ELMO1: variants seen among roughly 807,000 people sequenced by gnomAD.
ELMO1 encodes engulfment and cell motility 1.
Under a neutral mutation model 98.9 loss-of-function variants are expected in ELMO1, and 26 were observed. That is an observed-to-expected ratio of 0.26 (90% confidence interval 0.19 to 0.36). The LOEUF (loss-of-function observed/expected upper bound fraction) is 0.36. Among genes scored for constraint, ELMO1 ranks in the 10% least tolerant of loss-of-function variants. ELMO1 has a pLI of 1.00. For synonymous variants in ELMO1, 346 were observed against 346.0 expected (o/e 1.00, Z 0.00); for missense variants, 627 against 935.2 (o/e 0.67, Z 4.30).
intron 13 of ELMO1, among the ~76,000 whole-genome samples, chr7:37,135,396 T>C (rs2129302169): frequency 6.6e-6 from 1 of 152,294 alleles, no homozygotes; most frequent in East Asian, 1.9e-4. Context: ...TTGAAGGAAC[T>C]GGATCACCAC....
intron 6 of ELMO1, among the ~76,000 whole-genome samples, chr7:37,246,222 A>G (rs1794999477): frequency 6.6e-6 from 1 of 152,214 alleles, no homozygotes. Context: ...AAGAAAACCA[A>G]CTAATACATG....
intron 2 of ELMO1, among the ~76,000 whole-genome samples, chr7:37,339,509 A>G (rs1045068863): frequency 3.9e-5 from 6 of 152,240 alleles, no homozygotes; most frequent in African/African-American, 1.4e-4. Context: ...TGAAGCTAAC[A>G]TGCTATGGGA....
At chr7:37,246,755 AG>A (rs1200682048) in intron 6 of ELMO1, among the ~76,000 whole-genome samples, 4 of 150,926 alleles carry the variant, frequency 2.7e-5, no homozygotes, top group African/African-American at 9.9e-5. Context: ...GTTAAGATGT[AG>A]GTAACTGATG....
At chr7:37,224,324 G>C (rs908247953) in intron 9 of ELMO1, among the ~76,000 whole-genome samples, 1 of 152,114 alleles carries the variant, frequency 6.6e-6, no homozygotes, top group Non-Finnish European at 1.5e-5. Flanking sequence ...AGGCTGCAGG[G>C]GCAGCTATCT....
chr7:37,315,029 C>T (rs895882794), intron 3 of ELMO1, 107 bp from the exon 4 acceptor site: 4 of 926,920 alleles, frequency 4.3e-6, no homozygotes, highest in Middle Eastern at 3.1e-4. Context: ...GGAATTGGAC[C>T]AATCCCAACA....
chr7:37,028,790 C>T (rs1315834355), intron 15 of ELMO1, among the ~76,000 whole-genome samples: 1 of 152,124 alleles, frequency 6.6e-6, no homozygotes, highest in Non-Finnish European at 1.5e-5. Context: ...CTGTGTTGCC[C>T]AGGCTGTACA....
chr7:37,275,389 A>C (rs1796776758), intron 4 of ELMO1, among the ~76,000 whole-genome samples: 1 of 152,226 alleles, frequency 6.6e-6, no homozygotes, highest in South Asian at 2.1e-4. Flanking sequence ...GATTGCTTTC[A>C]AGAAAGGGTC....
rs116946800 is a variant in ELMO1 at position 37,054,573 on chromosome 7, T to C, written c.1301-41138A>G. On this transcript the variant is annotated intron_variant, in intron 15 of 21. Coordinates refer to ENST00000310758, the MANE Select transcript of ELMO1 (RefSeq NM_014800.11). Reference sequence around the variant, plus strand: ...TGTACTAATGTTTCATTAAATATTTTAAGGAAATCTTGAGAAAAATGTGAA... The same window carrying C: ...TGTACTAATGTTTCATTAAATATTTCAAGGAAATCTTGAGAAAAATGTGAA... 1.3e-3 allele frequency among the ~76,000 whole-genome samples: 199 copies of C among 152,330 alleles called. 3 individuals are homozygous for C. In the East Asian group the frequency reaches 0.019, roughly 15 times the overall value.
intron 16 of ELMO1, among the ~76,000 whole-genome samples, chr7:36,934,686 G>A (rs1180041871): frequency 6.6e-6 from 1 of 152,222 alleles, no homozygotes; most frequent in African/African-American, 2.4e-5. Context: ...TCCTTGACAA[G>A]AAGTCAGATG....
intron 15 of ELMO1, among the ~76,000 whole-genome samples, chr7:37,041,840 C>T (rs530219639): frequency 6.6e-6 from 1 of 151,976 alleles, no homozygotes; most frequent in East Asian, 1.9e-4. Flanking sequence ...CTGAGTTGCA[C>T]CAAAGTGGAC....
At chr7:37,369,199 A>G (rs2131350057) in intron 1 of ELMO1, among the ~76,000 whole-genome samples, 1 of 152,310 alleles carries the variant, frequency 6.6e-6, no homozygotes, top group East Asian at 1.9e-4. Context: ...CAAAAGTGAC[A>G]GTGCAGACCA....
chr7:37,268,171 G>A (rs1796359693), intron 5 of ELMO1, among the ~76,000 whole-genome samples: 2 of 152,160 alleles, frequency 1.3e-5, no homozygotes, highest in South Asian at 4.1e-4. Flanking sequence ...CAGACTCTAT[G>A]CCCACAGCTA....
chr7:37,099,800 C>T (rs976891110), intron 14 of ELMO1, among the ~76,000 whole-genome samples: 10 of 151,802 alleles, frequency 6.6e-5, no homozygotes, highest in African/African-American at 2.4e-4. Flanking sequence ...TTTCTAGCAT[C>T]CCAGAGCTAG....
intron 15 of ELMO1, among the ~76,000 whole-genome samples, chr7:37,043,011 T>C (rs1275357319): frequency 6.6e-6 from 1 of 152,232 alleles, no homozygotes; most frequent in Non-Finnish European, 1.5e-5. Context: ...ATGTAGTTCA[T>C]TATCGTGTCC....
chr7:36,867,920 C>A (rs1414389845), intron 20 of ELMO1, among the ~76,000 whole-genome samples: 1 of 152,036 alleles, frequency 6.6e-6, no homozygotes, highest in East Asian at 1.9e-4. Flanking sequence ...CTTTACGGTC[C>A]AAAATGTGGT....
At chr7:36,896,678 TTG>T (rs1271808907) in intron 16 of ELMO1, among the ~76,000 whole-genome samples, 1 of 35,996 alleles carries the variant, frequency 2.8e-5, no homozygotes, top group Non-Finnish European at 5.4e-5. Flanking sequence ...GGTTTTTTGT[TTG>T]TTTTTTTTTT....
intron 10 of ELMO1, among the ~76,000 whole-genome samples, chr7:37,221,016 T>C (rs900365541): frequency 6.6e-6 from 1 of 152,188 alleles, no homozygotes; most frequent in African/African-American, 2.4e-5. Context: ...TTGGGAGTTA[T>C]GAGTTCGGTA....
intron 4 of ELMO1, among the ~76,000 whole-genome samples, chr7:37,292,686 G>C: frequency 9.4e-6 from 1 of 106,706 alleles, no homozygotes. Context: ...CACCCCGTCT[G>C]GGAAGTGAGG....
At chr7:37,301,121 T>G (rs1457652762) in intron 4 of ELMO1, among the ~76,000 whole-genome samples, 1 of 152,126 alleles carries the variant, frequency 6.6e-6, no homozygotes, top group Non-Finnish European at 1.5e-5. Flanking sequence ...GATATCCCCT[T>G]TATCATTTTT....
Sources: gnomAD v4.1 joint callset for allele counts (sites outside exome capture counted in the v4.1 genomes callset) on GRCh38, gnomAD v4.1.1 for gene constraint, MANE v1.5 for transcripts, NCBI Gene and HGNC (gene_info 2026-07-23, HGNC 2026-07-21) for gene names.